The following DYNC2H1 variants were observed in gnomAD, a reference collection of about 807,000 sequenced individuals.
DYNC2H1 encodes cytoplasmic dynein 2 heavy chain 1.
DYNC2H1 carries 410 observed loss-of-function variants against 570.0 expected under a neutral mutation model. The observed-to-expected ratio is 0.72, with a 90% confidence interval of 0.66 to 0.78. The LOEUF (loss-of-function observed/expected upper bound fraction) is 0.78. DYNC2H1 is among the 30% of genes least tolerant of loss of function. The pLI is 0.00. For synonymous variants in DYNC2H1, 1,688 were observed against 1,677.6 expected, an observed-to-expected ratio of 1.01 and a Z score of -0.15; for missense variants, 4,865 against 5,046.4, an observed-to-expected ratio of 0.96 and a Z score of 1.09.
chr11:103,399,796 T>C lies in DYNC2H1; in HGVS notation c.12290T>C (p.Leu4097Pro). 6.2e-7 allele frequency: 1 copy of C among 1,613,970 alleles called. No homozygotes were observed. The highest frequency in any genetic ancestry group is 8.5e-7 in the Non-Finnish European group (1 of 1,179,862). Reference sequence around the variant, plus strand: ...AGTGTCCACCAGTCTCTTGCTGCTCTCAGCAAAGTCATCAGAGGAACTACT... The same window carrying C: ...AGTGTCCACCAGTCTCTTGCTGCTCCCAGCAAAGTCATCAGAGGAACTACT... ...VQSVHQSLAA[L>P]SKVIRGTTLL... is the part of the protein sequence containing the mutation. Residue 4097 changes from leucine to proline, a missense_variant, in exon 84 of 89, where the codon CTC becomes CCC. By Grantham distance (98) the Leu-to-Pro change is moderately conservative. This residue lies in a region of DYNC2H1 where 2,401 missense variants were observed against 2,454.6 expected (regional missense o/e 0.98). Coordinates refer to ENST00000375735, the MANE Select transcript of DYNC2H1 (RefSeq NM_001377.3).
intron 80 of DYNC2H1, among the ~76,000 whole-genome samples, chr11:103,320,277 C>T (rs1234548907): frequency 2.0e-5 from 3 of 152,116 alleles, no homozygotes; most frequent in African/African-American, 7.2e-5. Context: ...TGGCATGCGC[C>T]TGTAATCCCA....
chr11:103,169,429 C>T (rs1038215573), intron 32 of DYNC2H1, among the ~76,000 whole-genome samples: 1 of 152,124 alleles, frequency 6.6e-6, no homozygotes, highest in Admixed American at 6.6e-5. Context: ...AAAATTCCAC[C>T]TGTTGCCTCT....
chr11:103,220,710 GTAAT>G lies in DYNC2H1; in HGVS notation c.9037_9040del (p.Ile3013GlufsTer8). ...TCGCTCACTACGCATGCCACCTGAT[GTAAT>G]TAGAGATATTCTTGAAGGAGTTTTA... On this transcript the variant is annotated frameshift_variant, in exon 57 of 89. Transcript: ENST00000375735. LOFTEE classifies it high-confidence loss of function. 1.2e-6 allele frequency: 2 copies of G among 1,613,184 alleles called. No homozygotes were observed. Among genetic ancestry groups the G allele is most frequent in the Non-Finnish European group, 1.7e-6 (2 of 1,179,382 alleles).
intron 55 of DYNC2H1, among the ~76,000 whole-genome samples, chr11:103,216,326 AC>A (rs1198703727): frequency 6.6e-6 from 1 of 151,742 alleles, no homozygotes; most frequent in Non-Finnish European, 1.5e-5. Flanking sequence ...GTTTTGTTGA[AC>A]CCTTTCAAGG....
intron 30 of DYNC2H1, among the ~76,000 whole-genome samples, chr11:103,164,306 C>CA (rs1861211977): frequency 6.6e-6 from 1 of 152,152 alleles, no homozygotes; most frequent in Admixed American, 6.5e-5. Flanking sequence ...AACTTACCTC[C>CA]AGGCCCTTGA....
Position 103,215,829 on chromosome 11 carries a change from G to T in DYNC2H1, c.8803G>T (p.Ala2935Ser), listed in dbSNP as rs776807266. The change falls in exon 55 of 89, where the codon GCC (alanine) becomes TCC (serine). Residue 2935 changes from alanine (A) to serine (S), a missense_variant. Physicochemically the swap from Ala to Ser is moderately conservative, Grantham distance 99. Transcript: ENST00000375735. ...AACGAAGCAAGATGAAGCAGATGCT[G>T]CCCTTCAAATGATCACAGTGTCAAT... ...LKTKQDEADA[A>S]LQMITVSMQD... The T allele has an allele frequency of 1.2e-6, 2 of 1,612,682 alleles. No homozygotes were observed. Among genetic ancestry groups the T allele is most frequent in the South Asian group, 2.2e-5 (2 of 90,892 alleles).
In DYNC2H1 at chr11:103,241,171, A is replaced by G. The variant is rs1864409811; in HGVS notation, c.9820-2522A>G. On this transcript the variant is annotated intron_variant, in intron 63 of 88. Coordinates refer to ENST00000375735, the MANE Select transcript of DYNC2H1 (RefSeq NM_001377.3). The surrounding 1 kb of genome is among the most constrained non-coding windows in gnomAD (Gnocchi z 5.1). ...TTGATGATGAAATTTTTATTTTTGC[A>G]TCTTTATTGCCTGTAAAGTTATTGA... 2.0e-5 allele frequency among the ~76,000 whole-genome samples: 3 copies of G among 152,116 alleles called. 1 individual carries two copies. Among genetic ancestry groups the G allele is most frequent in the Non-Finnish European group, 2.9e-5 (2 of 68,016 alleles).
intron 65 of DYNC2H1, among the ~76,000 whole-genome samples, chr11:103,250,248 A>G (rs979505659): frequency 6.6e-6 from 1 of 151,204 alleles, no homozygotes; most frequent in African/African-American, 2.4e-5. Context: ...ATGATGTTTC[A>G]TTTTTCCTGA....
chr11:103,244,780 T>C lies in DYNC2H1; in HGVS notation c.9919-471T>C, dbSNP rs975273251. On this transcript the variant is annotated intron_variant, in intron 64 of 88. Transcript: ENST00000375735. The surrounding 1 kb of genome is among the most constrained non-coding windows in gnomAD (Gnocchi z 4.3). ...ATCTATAGTTACAGTTATATACATATAAGTACTATATCTATATATAGTCAT... is the reference window on the plus strand; with the variant it reads ...ATCTATAGTTACAGTTATATACATACAAGTACTATATCTATATATAGTCAT... Among the ~76,000 whole-genome samples, 12 of 148,586 alleles carry C rather than the reference T, an allele frequency of 8.1e-5. No homozygotes were observed. The Middle Eastern group carries it at 0.011, about 134-fold the overall frequency.
intron 83 of DYNC2H1, among the ~76,000 whole-genome samples, chr11:103,396,931 C>T (rs1233528654): frequency 6.6e-6 from 1 of 152,104 alleles, no homozygotes; most frequent in Non-Finnish European, 1.5e-5. Flanking sequence ...AATGGGTACA[C>T]ATGGACATAC....
chr11:103,365,931 T>G (rs1048233869), intron 83 of DYNC2H1, among the ~76,000 whole-genome samples: 4 of 152,364 alleles, frequency 2.6e-5, no homozygotes, highest in African/African-American at 9.6e-5. Context: ...TCCTTTTTTG[T>G]GAAGTAGTTT....
In DYNC2H1 at chr11:103,245,460, C is replaced by G; in HGVS notation, c.10042+86C>G. On this transcript the variant is annotated intron_variant, in intron 65 of 88. Transcript: ENST00000375735. The surrounding 1 kb of genome is among the most constrained non-coding windows in gnomAD (Gnocchi z 4.5). ...AACCAGGTGCAAGCTTTCAAGAGTCCTCTTCCAGTGGAGTCACACATGATG... is the reference window on the plus strand; with the variant it reads ...AACCAGGTGCAAGCTTTCAAGAGTCGTCTTCCAGTGGAGTCACACATGATG... 7.4e-7 allele frequency: 1 copy of G among 1,358,476 alleles called. No homozygotes were observed. The highest frequency in any genetic ancestry group is 9.9e-7 in the Non-Finnish European group (1 of 1,008,904). The allele number at this position is 1,358,476 out of a possible 1,614,324, so 84.2% of individuals were successfully genotyped here. A position where few individuals can be genotyped will look rare whatever the true frequency, so the allele number is the denominator to read the frequency against.
chr11:103,251,433 G>A, intron 65 of DYNC2H1, among the ~76,000 whole-genome samples: 1 of 152,070 alleles, frequency 6.6e-6, no homozygotes, highest in East Asian at 1.9e-4. Flanking sequence ...GCATATTTAA[G>A]ATTTACAGCA....
chr11:103,174,252 A>C, intron 36 of DYNC2H1, 82 bp downstream of exon 36: 1 of 1,186,906 alleles, frequency 8.4e-7, no homozygotes, highest in African/African-American at 1.5e-5. Flanking sequence ...TTTACAGAAA[A>C]GTTGTAGATA....
At chr11:103,142,322 A>G (rs1356203591) in intron 17 of DYNC2H1, among the ~76,000 whole-genome samples, 3 of 152,122 alleles carry the variant, frequency 2.0e-5, no homozygotes, top group Non-Finnish European at 4.4e-5. Flanking sequence ...GGAACTGTAG[A>G]TGGGAGCTGT....
chr11:103,132,912 A>G (rs1171625296), intron 13 of DYNC2H1, among the ~76,000 whole-genome samples: 1 of 152,022 alleles, frequency 6.6e-6, no homozygotes, highest in Non-Finnish European at 1.5e-5. Flanking sequence ...AGTGGAGGGC[A>G]GATTCACACC....
At position 103,140,369 on chromosome 11, in the gene DYNC2H1, T is replaced by G. The variant is rs572763483; in HGVS notation, c.2575-2899T>G. Reference sequence around the variant, plus strand: ...TGGTACCAGTTGTTCCTTTCCATGTTGAGTGCTTCCTTCAGGAACTCTTTT... The same window carrying G: ...TGGTACCAGTTGTTCCTTTCCATGTGGAGTGCTTCCTTCAGGAACTCTTTT... On this transcript the variant is annotated intron_variant, in intron 17 of 88. Transcript: ENST00000375735. Among the ~76,000 whole-genome samples, 10 of 152,224 alleles carry G rather than the reference T, an allele frequency of 6.6e-5. No individual in the cohort carries two copies. The South Asian group carries it at 1.9e-3, about 28-fold the overall frequency.
In DYNC2H1 at chr11:103,205,698, G is replaced by A. The variant is rs78041181; in HGVS notation, c.8454+734G>A. ...ATAGCAGACGAAAAAAAACCAGAGAGAAATCCCTGCCCTCATGGTGTTTAC... is the reference window on the plus strand; with the variant it reads ...ATAGCAGACGAAAAAAAACCAGAGAAAAATCCCTGCCCTCATGGTGTTTAC... On this transcript the variant is annotated intron_variant, in intron 52 of 88. Coordinates refer to ENST00000375735, the MANE Select transcript of DYNC2H1 (RefSeq NM_001377.3). This position sits in a 1 kb window ranked among gnomAD's most constrained non-coding sequence, Gnocchi z 4.5. Among the ~76,000 whole-genome samples, 66 of 152,244 alleles carry A rather than the reference G, an allele frequency of 4.3e-4. 1 individual carries two copies. In the East Asian group the frequency reaches 0.013, roughly 29 times the overall value.
At chr11:103,347,663 A>G (rs1939811438) in intron 82 of DYNC2H1, among the ~76,000 whole-genome samples, 1 of 152,182 alleles carries the variant, frequency 6.6e-6, no homozygotes, top group Admixed American at 6.6e-5. Context: ...TAAAATTAAT[A>G]TTTAAAAGTT....
Sources: gnomAD v4.1 joint callset for allele counts (sites outside exome capture counted in the v4.1 genomes callset) on GRCh38, gnomAD v4.1.1 for gene constraint, gnomAD v4.1.1 regional missense constraint, Gnocchi (gnomAD v3.1) non-coding constraint, MANE v1.5 for transcripts, NCBI Gene and HGNC (gene_info 2026-07-23, HGNC 2026-07-21) for gene names.